The following NMT2 variants were observed in gnomAD, a reference collection of about 807,000 sequenced individuals.
The protein encoded by NMT2 is glycylpeptide N-tetradecanoyltransferase 2.
Under a neutral mutation model 65.4 loss-of-function variants are expected in NMT2, and 35 were observed. The ratio of observed to expected loss-of-function variants is 0.54; its 90% confidence interval spans 0.41 to 0.71. NMT2 has a LOEUF of 0.71. Ranked by LOEUF, NMT2 falls within the 30% of genes least tolerant of loss-of-function variation. The pLI, the probability that NMT2 is intolerant of heterozygous loss-of-function variation, is 0.00. For missense variants in NMT2, 489 were observed against 611.3 expected, an observed-to-expected ratio of 0.80 and a Z score of 2.11; for synonymous variants, 226 against 231.8, an observed-to-expected ratio of 0.98 and a Z score of 0.23.
chr10:15,148,897 A>G (rs1847050542), intron 1 of NMT2, among the ~76,000 whole-genome samples: 1 of 152,208 alleles, frequency 6.6e-6, no homozygotes, highest in African/African-American at 2.4e-5. Context: ...CAATAAGCTT[A>G]AGAAAACATG....
chr10:15,119,721 T>C (rs1845861687), intron 8 of NMT2, among the ~76,000 whole-genome samples: 1 of 152,174 alleles, frequency 6.6e-6, no homozygotes, highest in African/African-American at 2.4e-5. Flanking sequence ...ACATTAAGGT[T>C]TGAGAAGAGC....
chr10:15,121,290 T>C (rs1589301906), intron 8 of NMT2, among the ~76,000 whole-genome samples: 1 of 152,162 alleles, frequency 6.6e-6, no homozygotes, highest in East Asian at 1.9e-4. Context: ...TCTTAAGAAA[T>C]ATTGTTAAAG....
At chr10:15,150,597 T>C (rs1832769601) in intron 1 of NMT2, among the ~76,000 whole-genome samples, 1 of 152,114 alleles carries the variant, frequency 6.6e-6, no homozygotes, top group South Asian at 2.1e-4. Context: ...ACATCGTCTC[T>C]GTGCAAAGCA....
chr10:15,159,167 T>G (rs916723206), intron 1 of NMT2, among the ~76,000 whole-genome samples: 1 of 152,188 alleles, frequency 6.6e-6, no homozygotes, highest in African/African-American at 2.4e-5. Flanking sequence ...CATGCCTGGA[T>G]AATCCCTTTC....
intron 8 of NMT2, among the ~76,000 whole-genome samples, chr10:15,122,621 G>A (rs531307440): frequency 9.9e-5 from 15 of 152,066 alleles, no homozygotes; most frequent in East Asian, 7.7e-4. Context: ...CAGTTTTATC[G>A]TACTAGCCAG....
intron 8 of NMT2, among the ~76,000 whole-genome samples, chr10:15,127,557 A>AT (rs1846122120): frequency 1.0e-5 from 1 of 95,536 alleles, no homozygotes; most frequent in African/African-American, 1.1e-4. Context: ...AAAAAAAAAA[A>AT]AAAAAAAAAA....
intron 1 of NMT2, among the ~76,000 whole-genome samples, chr10:15,159,464 G>A (rs781676191): frequency 1.3e-5 from 2 of 150,754 alleles, no homozygotes; most frequent in African/African-American, 4.8e-5. Context: ...GCTCACTGGA[G>A]TACAGTGGCA....
intron 3 of NMT2, 111 bp from the exon 4 acceptor site, chr10:15,133,474 G>A (rs1257474736): frequency 3.9e-6 from 3 of 773,196 alleles, no homozygotes; most frequent in Non-Finnish European, 6.7e-6. Flanking sequence ...CTGACTTAGG[G>A]CCCTCGGGTT....
intron 2 of NMT2, among the ~76,000 whole-genome samples, chr10:15,140,378 C>T (rs984649586): frequency 6.6e-6 from 1 of 152,172 alleles, no homozygotes; most frequent in Non-Finnish European, 1.5e-5. Flanking sequence ...CCTGCCTTGG[C>T]CTCCCAAAGT....
chr10:15,164,198 A>AG (rs1406937082), intron 1 of NMT2, among the ~76,000 whole-genome samples: 2 of 151,798 alleles, frequency 1.3e-5, no homozygotes, highest in Non-Finnish European at 2.9e-5. Flanking sequence ...AAAAAAAAAA[A>AG]AAAAAAAAGG....
chr10:15,149,835 A>G (rs1454433214), intron 1 of NMT2, among the ~76,000 whole-genome samples: 1 of 152,192 alleles, frequency 6.6e-6, no homozygotes, highest in East Asian at 1.9e-4. Context: ...GAATCCAGAC[A>G]GCCTGGCTCC....
intron 1 of NMT2, among the ~76,000 whole-genome samples, chr10:15,142,028 G>A (rs1017097884): frequency 6.6e-6 from 1 of 152,082 alleles, no homozygotes; most frequent in Non-Finnish European, 1.5e-5. Context: ...TTTACTAGGG[G>A]GGCTAACAAT....
intron 1 of NMT2, among the ~76,000 whole-genome samples, chr10:15,142,324 G>A (rs1407626315): frequency 6.6e-6 from 1 of 152,170 alleles, no homozygotes; most frequent in Non-Finnish European, 1.5e-5. Flanking sequence ...TTGGGAGGCT[G>A]AGGCAGGTGG....
chr10:15,156,149 T>C (rs1175232432), intron 1 of NMT2, among the ~76,000 whole-genome samples: 2 of 152,166 alleles, frequency 1.3e-5, no homozygotes, highest in African/African-American at 2.4e-5. Context: ...AAATCTCATA[T>C]TGAACTGTAG....
intron 6 of NMT2, among the ~76,000 whole-genome samples, chr10:15,131,329 T>C (rs891832618): frequency 4.0e-5 from 6 of 151,542 alleles, no homozygotes; most frequent in African/African-American, 7.3e-5. Context: ...TTTTTTTTCC[T>C]TTTTTGAGAT....
chr10:15,152,652 T>A (rs1044059025), intron 1 of NMT2, among the ~76,000 whole-genome samples: 1 of 152,242 alleles, frequency 6.6e-6, no homozygotes, highest in Non-Finnish European at 1.5e-5. Flanking sequence ...ACAAAGTATG[T>A]ACTTGTCAAA....
At chr10:15,167,409 A>C (rs965616924) in intron 1 of NMT2, among the ~76,000 whole-genome samples, 1 of 152,212 alleles carries the variant, frequency 6.6e-6, no homozygotes, top group Admixed American at 6.5e-5. Flanking sequence ...TTCAATGATC[A>C]ATCATTTCAA....
intron 1 of NMT2, among the ~76,000 whole-genome samples, chr10:15,154,309 A>G (rs921484139): frequency 6.6e-6 from 1 of 152,226 alleles, no homozygotes; most frequent in Non-Finnish European, 1.5e-5. Flanking sequence ...TAGGGGACTA[A>G]ATAAATAATG....
At chr10:15,125,792 T>G (rs1396429989) in intron 8 of NMT2, among the ~76,000 whole-genome samples, 1 of 151,996 alleles carries the variant, frequency 6.6e-6, no homozygotes, top group African/African-American at 2.4e-5. Flanking sequence ...TCAGCCTCCC[T>G]AGTAGCTGGG....
Sources: allele counts gnomAD v4.1 joint callset (sites outside exome capture counted in the v4.1 genomes callset), GRCh38; gene constraint gnomAD v4.1.1; transcripts MANE v1.5; gene names NCBI Gene and HGNC (gene_info 2026-07-23, HGNC 2026-07-21).